The following TSC22D1 variants were observed in gnomAD, a reference collection of about 807,000 sequenced individuals.
TSC22D1 encodes TSC22 domain family protein 1.
TSC22D1 carries 9 observed loss-of-function variants against 74.2 expected under a neutral mutation model. The ratio of observed to expected loss-of-function variants is 0.12; its 90% CI spans 0.07 to 0.21. TSC22D1 has a LOEUF of 0.21. TSC22D1 is among the 10% of genes least tolerant of loss of function. TSC22D1 has a pLI of 1.00. For synonymous variants in TSC22D1, 586 were observed against 492.5 expected, an observed-to-expected ratio of 1.19 and a Z score of -2.51; for missense variants, 1,427 against 1,304.7, an observed-to-expected ratio of 1.09 and a Z score of -1.44.
chr13:44,460,959 T>C (rs1021988650), intron 1 of TSC22D1, among the ~76,000 whole-genome samples: 2 of 152,260 alleles, frequency 1.3e-5, no homozygotes, highest in Non-Finnish European at 2.9e-5. Flanking sequence ...ATTTATCATC[T>C]AGCTTTATCA....
At chr13:44,459,333 TG>T (rs752673886) in intron 1 of TSC22D1, among the ~76,000 whole-genome samples, 59 of 152,288 alleles carry the variant, frequency 3.9e-4, no homozygotes, top group Non-Finnish European at 6.3e-4. Context: ...CAGGATGACC[TG>T]CCTGTGGAAA....
chr13:44,435,273 C>T (rs998613898), intron 2 of TSC22D1: 1 of 180,594 alleles, frequency 5.5e-6, no homozygotes, highest in Non-Finnish European at 1.1e-5. Context: ...TCCTTCAGCA[C>T]CGGCTGCAGC....
chr13:44,542,757 T>A (rs1413737327), intron 1 of TSC22D1, among the ~76,000 whole-genome samples: 3 of 152,106 alleles, frequency 2.0e-5, no homozygotes, highest in Non-Finnish European at 4.4e-5. Flanking sequence ...CTGAATTTGA[T>A]AATGTATCAT....
chr13:44,559,621 C>G (rs1882903242), intron 1 of TSC22D1, among the ~76,000 whole-genome samples: 2 of 151,954 alleles, frequency 1.3e-5, no homozygotes, highest in Non-Finnish European at 2.9e-5. Flanking sequence ...AACTCCTGGG[C>G]CCAAGCAATT....
At chr13:44,505,557 A>T (rs1284679969) in intron 1 of TSC22D1, among the ~76,000 whole-genome samples, 1 of 152,172 alleles carries the variant, frequency 6.6e-6, no homozygotes, top group Non-Finnish European at 1.5e-5. Context: ...GTCTCAAAAA[A>T]TAAAATACAT....
chr13:44,523,652 T>C (rs1880418982), intron 1 of TSC22D1, among the ~76,000 whole-genome samples: 1 of 151,970 alleles, frequency 6.6e-6, no homozygotes, highest in Non-Finnish European at 1.5e-5. Flanking sequence ...GAAGAAGGAT[T>C]TTGCAACAGG....
In TSC22D1 at chr13:44,576,130, A is replaced by C; in HGVS notation, c.-56T>G. On this transcript the variant is annotated 5_prime_UTR_variant, in exon 1 of 3. Transcript: ENST00000458659. ...GAGTGCAATTTCCTTCTGCACCGTA[A>C]TCTTTGTATTGGAGACGCCGGAGAG... 7.0e-7 allele frequency: 1 copy of C among 1,437,050 alleles called. No individual in the cohort carries two copies. The highest frequency in any genetic ancestry group is 9.1e-7 in the Non-Finnish European group (1 of 1,100,236). The allele number at this position is 1,437,050 out of a possible 1,614,324, so 89.0% of individuals were successfully genotyped here.
At chr13:44,495,714 CAACT>C (rs1216808378) in intron 1 of TSC22D1, among the ~76,000 whole-genome samples, 9 of 152,030 alleles carry the variant, frequency 5.9e-5, no homozygotes, top group Middle Eastern at 3.4e-3. Context: ...CATCTACAAC[CAACT>C]GATTTCAGAA....
At chr13:44,470,626 T>A (rs187661118) in intron 1 of TSC22D1, among the ~76,000 whole-genome samples, 1 of 152,244 alleles carries the variant, frequency 6.6e-6, no homozygotes, top group East Asian at 1.9e-4. Flanking sequence ...GAAGAAGAAA[T>A]TTTAAGGCCT....
intron 1 of TSC22D1, among the ~76,000 whole-genome samples, chr13:44,474,462 T>A (rs186882420): frequency 3.2e-4 from 48 of 152,314 alleles, no homozygotes; most frequent in Middle Eastern, 3.4e-3. Context: ...AGTGATTTGT[T>A]ATGTTTCAAG....
intron 1 of TSC22D1, among the ~76,000 whole-genome samples, chr13:44,472,712 G>A (rs1050506708): frequency 3.9e-5 from 6 of 152,332 alleles, no homozygotes; most frequent in Non-Finnish European, 8.8e-5. Flanking sequence ...GCTGAGGTGG[G>A]AGGACTGCCT....
chr13:44,498,217 G>A (rs1419829352), intron 1 of TSC22D1, among the ~76,000 whole-genome samples: 1 of 152,108 alleles, frequency 6.6e-6, no homozygotes, highest in Admixed American at 6.6e-5. Context: ...AAGATCACCT[G>A]AGACTGGGAG....
chr13:44,439,928 T>C (rs929299135), intron 1 of TSC22D1, among the ~76,000 whole-genome samples: 2 of 152,148 alleles, frequency 1.3e-5, no homozygotes, highest in African/African-American at 4.8e-5. Context: ...GAGTAACCTC[T>C]TTCTCCCCCT....
intron 1 of TSC22D1, among the ~76,000 whole-genome samples, chr13:44,496,366 T>A (rs903876028): frequency 1.3e-5 from 2 of 152,072 alleles, no homozygotes; most frequent in Non-Finnish European, 2.9e-5. Flanking sequence ...GGAGACCCTG[T>A]CTCCACAAAA....
intron 1 of TSC22D1, among the ~76,000 whole-genome samples, chr13:44,565,825 T>C (rs9533912): frequency 0.085 from 12,913 of 152,246 alleles, 731 homozygotes; most frequent in Non-Finnish European, 0.12. Context: ...CCCAAAGTGA[T>C]GCGATTACAG....
intron 1 of TSC22D1, among the ~76,000 whole-genome samples, chr13:44,511,799 T>C (rs1879730858): frequency 1.3e-5 from 2 of 150,784 alleles, no homozygotes; most frequent in African/African-American, 4.9e-5. Context: ...AGAAATGGAT[T>C]CATGAAGGTA....
rs565831711 is a variant in TSC22D1, at chr13:44,515,668, C to G, written c.2912+57495G>C. ...GGCCAGGCTGGCCTCGAACTCCTGG[C>G]CTCAAGTGATCACCCACCTTGGCCT... On this transcript the variant is annotated intron_variant, in intron 1 of 2. Coordinates refer to ENST00000458659, the MANE Select transcript of TSC22D1 (RefSeq NM_183422.4). Among the ~76,000 whole-genome samples, 293 of 152,208 alleles carry G rather than the reference C, an allele frequency of 1.9e-3. 2 individuals carry two copies. Among genetic ancestry groups the G allele is most frequent in the African/African-American group, 6.8e-3 (283 of 41,546 alleles).
chr13:44,440,224 A>T (rs12864763), intron 1 of TSC22D1, among the ~76,000 whole-genome samples: 1 of 152,234 alleles, frequency 6.6e-6, no homozygotes, highest in Non-Finnish European at 1.5e-5. Context: ...AAATTCAACC[A>T]CAATTTACAT....
chr13:44,519,243 T>C (rs562400103), intron 1 of TSC22D1, among the ~76,000 whole-genome samples: 2 of 152,360 alleles, frequency 1.3e-5, no homozygotes, highest in East Asian at 3.9e-4. Flanking sequence ...CTTCTTTCAC[T>C]GATTACTTTC....
Sources: allele counts gnomAD v4.1 joint callset (sites outside exome capture counted in the v4.1 genomes callset), GRCh38; gene constraint gnomAD v4.1.1; transcripts MANE v1.5; gene names NCBI Gene and HGNC (gene_info 2026-07-23, HGNC 2026-07-21).